RAD51B: variants seen among roughly 807,000 people sequenced by gnomAD.
RAD51B encodes DNA repair protein RAD51 homolog 2.
A neutral mutation model predicts 42.2 loss-of-function variants in RAD51B; 38 were observed. That is an observed-to-expected ratio of 0.90 (90% CI 0.70 to 1.18). The LOEUF (loss-of-function observed/expected upper bound fraction) is 1.18, where lower values mean the gene tolerates loss of function less well. RAD51B is among the 50% of genes most tolerant of loss of function. The probability of loss-of-function intolerance (pLI) is 0.00; values close to 1 mark genes in which losing one functional copy is unlikely to be tolerated. For synonymous variants in RAD51B, 154 were observed against 145.2 expected (o/e 1.06, Z -0.43); for missense variants, 373 against 400.7 (o/e 0.93, Z 0.59).
At chr14:67,854,450 A>G (rs2041920033) in intron 4 of RAD51B, among the ~76,000 whole-genome samples, 1 of 151,860 alleles carries the variant, frequency 6.6e-6, no homozygotes, top group Non-Finnish European at 1.5e-5. Context: ...CCTGCCCAAC[A>G]TGGTAAAACC....
At chr14:68,225,745 G>A (rs1013917882) in intron 7 of RAD51B, among the ~76,000 whole-genome samples, 1 of 152,216 alleles carries the variant, frequency 6.6e-6, no homozygotes, top group African/African-American at 2.4e-5. Flanking sequence ...CAATTTAATC[G>A]CAATCTTTAT....
At chr14:68,583,484 T>A (rs1890306932) in intron 10 of RAD51B, among the ~76,000 whole-genome samples, 1 of 152,230 alleles carries the variant, frequency 6.6e-6, no homozygotes, top group Non-Finnish European at 1.5e-5. Context: ...TAGAATATGT[T>A]CTCTCCTCTT....
chr14:68,546,171 T>C (rs552186452), intron 10 of RAD51B, among the ~76,000 whole-genome samples: 1 of 152,292 alleles, frequency 6.6e-6, no homozygotes, highest in Non-Finnish European at 1.5e-5. Context: ...TTGTCTCCAG[T>C]TGATACCATG....
chr14:67,985,905 G>T (rs944454375), intron 7 of RAD51B, among the ~76,000 whole-genome samples: 3 of 152,022 alleles, frequency 2.0e-5, no homozygotes, highest in Admixed American at 2.0e-4. Context: ...GCCAGAACTT[G>T]TCTTAAATAA....
At chr14:68,585,883 A>G (rs996096514) in intron 10 of RAD51B, among the ~76,000 whole-genome samples, 1 of 152,116 alleles carries the variant, frequency 6.6e-6, no homozygotes, top group Admixed American at 6.5e-5. Context: ...GGAGAGCTGC[A>G]GAGGGGGGAG....
chr14:68,393,301 C>G (rs1056956412), intron 8 of RAD51B, among the ~76,000 whole-genome samples: 1 of 152,184 alleles, frequency 6.6e-6, no homozygotes, highest in Non-Finnish European at 1.5e-5. Flanking sequence ...TATTCCGCTT[C>G]TCCAGTTTCT....
chr14:68,421,597 G>A (rs2084701258), intron 9 of RAD51B: 3 of 892,494 alleles, frequency 3.4e-6, no homozygotes, highest in Non-Finnish European at 5.3e-6. Flanking sequence ...TGCAGCGAGA[G>A]CACAAAGATT....
At chr14:67,994,536 A>G (rs998325667) in intron 7 of RAD51B, among the ~76,000 whole-genome samples, 21 of 152,210 alleles carry the variant, frequency 1.4e-4, no homozygotes, top group Non-Finnish European at 4.4e-5. Flanking sequence ...AGAAGTATCT[A>G]GTTTTACAAT....
At chr14:68,182,825 A>AG (rs1210224212) in intron 7 of RAD51B, among the ~76,000 whole-genome samples, 1 of 152,216 alleles carries the variant, frequency 6.6e-6, no homozygotes, top group Admixed American at 6.5e-5. Flanking sequence ...GACTACACCT[A>AG]GAGAGGTAAG....
chr14:68,540,166 CTTT>C (rs11321834), intron 10 of RAD51B: 30,870 of 570,918 alleles, frequency 0.054, 1 homozygote, highest in Middle Eastern at 0.066. Flanking sequence ...TACCCTGCTC[CTTT>C]TTTTTTTTTT....
At chr14:67,861,989 G>A (rs1289179573) in intron 4 of RAD51B, among the ~76,000 whole-genome samples, 1 of 151,630 alleles carries the variant, frequency 6.6e-6, no homozygotes, top group African/African-American at 2.4e-5. Context: ...GGGGAAGGGG[G>A]AATAGGGGAA....
intron 3 of RAD51B, among the ~76,000 whole-genome samples, chr14:67,828,319 C>T (rs960278943): frequency 1.3e-5 from 2 of 150,836 alleles, no homozygotes; most frequent in Non-Finnish European, 2.9e-5. Context: ...ATGTTCTTAG[C>T]CCACTTTTTA....
At chr14:68,236,196 C>T (rs2140992119) in intron 7 of RAD51B, 1 of 152,030 alleles carries the variant, frequency 6.6e-6, no homozygotes, top group Non-Finnish European at 1.5e-5. Flanking sequence ...GTATATGTGC[C>T]CCTGAACCTA....
At chr14:67,842,771 A>C (rs1054860881) in intron 4 of RAD51B, among the ~76,000 whole-genome samples, 1 of 151,904 alleles carries the variant, frequency 6.6e-6, no homozygotes, top group Non-Finnish European at 1.5e-5. Context: ...AGTTCTCCCA[A>C]ATTTTGCCTG....
At chr14:68,292,036 C>T in intron 8 of RAD51B, 56 bp downstream of exon 8, 6 of 1,426,222 alleles carry the variant, frequency 4.2e-6, no homozygotes, top group Non-Finnish European at 5.9e-6. Flanking sequence ...AGCCCCACTG[C>T]CTCTCCACCT....
intron 7 of RAD51B, among the ~76,000 whole-genome samples, chr14:67,985,335 C>T (rs2075165529): frequency 6.6e-6 from 1 of 152,132 alleles, no homozygotes; most frequent in African/African-American, 2.4e-5. Context: ...AGAACAAAGA[C>T]ATTCCATTAT....
chr14:68,403,445 T>A (rs2084175364), intron 8 of RAD51B, among the ~76,000 whole-genome samples: 1 of 152,186 alleles, frequency 6.6e-6, no homozygotes, highest in Admixed American at 6.5e-5. Context: ...AGTCATAAAT[T>A]GAAATGTTTT....
intron 9 of RAD51B, among the ~76,000 whole-genome samples, chr14:68,439,840 G>A (rs912543949): frequency 6.6e-6 from 1 of 152,214 alleles, no homozygotes; most frequent in African/African-American, 2.4e-5. Context: ...CTCCAAAAGA[G>A]GTGTGTTGAA....
At chr14:68,360,903 C>T (rs918348026) in intron 8 of RAD51B, among the ~76,000 whole-genome samples, 4 of 152,158 alleles carry the variant, frequency 2.6e-5, no homozygotes, top group Admixed American at 6.5e-5. Flanking sequence ...AGGGGGTAGA[C>T]AGAGCAAGGC....
Sources: gnomAD v4.1 joint callset for allele counts (sites outside exome capture counted in the v4.1 genomes callset) on GRCh38, gnomAD v4.1.1 for gene constraint, MANE v1.5 for transcripts, NCBI Gene and HGNC (gene_info 2026-07-23, HGNC 2026-07-21) for gene names.